The following CMYA5 variants were observed in gnomAD, a reference collection of about 807,000 sequenced individuals.
The protein encoded by CMYA5 is cardiomyopathy associated 5, also known as cardiomyopathy-associated protein 5.
CMYA5 carries 246 observed loss-of-function variants against 318.9 expected under a neutral mutation model. The observed-to-expected ratio is 0.77, with a 90% confidence interval of 0.70 to 0.86. The LOEUF is 0.86. Ranked by LOEUF, CMYA5 falls within the 40% of genes least tolerant of loss-of-function variation. The pLI is 0.00. For synonymous variants in CMYA5, 1,641 were observed against 1,729.5 expected (o/e 0.95, Z 1.27); for missense variants, 4,589 against 4,678.2 (o/e 0.98, Z 0.56).
chr5:79,734,881 A>T lies in CMYA5; in HGVS notation c.6116A>T (p.Lys2039Ile), dbSNP rs762861334. Residue 2039 changes from lysine to isoleucine, a missense_variant, in exon 2 of 13, where the codon AAA (lysine) becomes ATA (isoleucine). Coordinates refer to ENST00000446378, the MANE Select transcript of CMYA5 (RefSeq NM_153610.5). ...CCTTCCAAAGAAGATAGCCAGGAAA[A>T]AATTAAACTACCTCCTGAAAGATTC... is the stretch of plus-strand genomic sequence containing the variant. ...SWPSKEDSQE[K>I]IKLPPERFFQ... 6.2e-7 allele frequency: 1 copy of T among 1,613,808 alleles called. No individual in the cohort carries two copies. Among genetic ancestry groups the T allele is most frequent in the South Asian group, 1.1e-5 (1 of 91,066 alleles).
At position 79,731,156 on chromosome 5, in the gene CMYA5, G is replaced by A. The variant is rs748030382; in HGVS notation, c.2391G>A (p.Leu797=). 6.2e-7 allele frequency: 1 copy of A among 1,613,858 alleles called. No homozygotes were observed. The highest frequency in any genetic ancestry group is 1.3e-5 in the African/African-American group (1 of 74,912). ...AACGTTTCACACCGGATTCAAAGTTGATCTCCAAATATGCAGCCCCACTCA... is the reference window on the plus strand; with the variant it reads ...AACGTTTCACACCGGATTCAAAGTTAATCTCCAAATATGCAGCCCCACTCA... ...GSERFTPDSK[L]ISKYAAPLNA... is the part of the protein sequence containing the mutation. The change falls in exon 2 of 13, where the codon TTG becomes TTA. Residue 797 remains leucine, a synonymous_variant. Coordinates refer to ENST00000446378, the MANE Select transcript of CMYA5 (RefSeq NM_153610.5).
intron 9 of CMYA5, among the ~76,000 whole-genome samples, chr5:79,784,995 A>T (rs1470496478): frequency 6.6e-6 from 1 of 151,140 alleles, no homozygotes; most frequent in East Asian, 2.0e-4. Context: ...ATCTCAGTAG[A>T]TTGTGTGAAG....
chr5:79,729,754 C>T lies in CMYA5; in HGVS notation c.989C>T (p.Ser330Phe). Reference sequence around the variant, plus strand: ...GATCAAAAGAAAATTTATGCTGATTCTCCCCTAAATGCCACATCTGCATTG... The same window carrying T: ...GATCAAAAGAAAATTTATGCTGATTTTCCCCTAAATGCCACATCTGCATTG... ...HEDQKKIYADSPLNATSALEH... is the reference protein window; with the variant it reads ...HEDQKKIYADFPLNATSALEH... The change falls in exon 2 of 13, where the codon TCT becomes TTT. Residue 330 changes from serine (S) to phenylalanine (F), a missense_variant. Transcript: ENST00000446378. The T allele has an allele frequency of 1.2e-6, 2 of 1,613,928 alleles. No individual in the cohort carries two copies. Among genetic ancestry groups the T allele is most frequent in the South Asian group, 1.1e-5 (1 of 91,072 alleles).
rs201183682 is a variant in CMYA5, at chr5:79,736,050, C to A, written c.7285C>A (p.Leu2429Ile). ...GSLIDFSEDRLKKEMQNPTSL... is the reference protein window; with the variant it reads ...GSLIDFSEDRIKKEMQNPTSL... The stretch of plus-strand genomic sequence containing the variant: ...TTTAATTGATTTCAGTGAAGACAGA[C>A]TCAAGAAAGAAATGCAAAATCCTAC... The change falls in exon 2 of 13, where the codon CTC (leucine) becomes ATC (isoleucine). Residue 2429 changes from leucine to isoleucine, a missense_variant. Coordinates refer to ENST00000446378, the MANE Select transcript of CMYA5 (RefSeq NM_153610.5). 1.4e-5 allele frequency: 22 copies of A among 1,612,254 alleles called. No individual in the cohort carries two copies. The highest frequency in any genetic ancestry group is 1.8e-5 in the Non-Finnish European group (21 of 1,179,438).
intron 9 of CMYA5, among the ~76,000 whole-genome samples, chr5:79,777,191 A>G (rs887170157): frequency 6.6e-6 from 1 of 152,202 alleles, no homozygotes; most frequent in Non-Finnish European, 1.5e-5. Context: ...AAATTTGGAT[A>G]GAGAATATGT....
chr5:79,733,036 C>T lies in CMYA5; in HGVS notation c.4271C>T (p.Ala1424Val), dbSNP rs1827955728. The stretch of plus-strand genomic sequence containing the variant: ...GAAGACAAGGTGGCAATTAAAGGTG[C>T]TTCTCCCATTGAAACTTCATCCAAA... The part of the protein sequence containing the change: ...AEEDKVAIKG[A>V]SPIETSSKHL... The change falls in exon 2 of 13, where the codon GCT (alanine) becomes GTT (valine). Residue 1424 changes from alanine (A) to valine (V), a missense_variant. Ala to Val is a moderately conservative substitution (Grantham distance 64). Around this residue, in one of 3 missense-constraint regions of CMYA5, gnomAD observed 2,132 missense variants for 2,131.3 expected, o/e 1.00. Coordinates refer to ENST00000446378, the MANE Select transcript of CMYA5 (RefSeq NM_153610.5). 1.2e-6 allele frequency: 2 copies of T among 1,613,404 alleles called. No individual in the cohort carries two copies. Among genetic ancestry groups the T allele is most frequent in the African/African-American group, 1.3e-5 (1 of 75,062 alleles).
chr5:79,773,624 T>C (rs1397756033), intron 9 of CMYA5, among the ~76,000 whole-genome samples: 1 of 152,248 alleles, frequency 6.6e-6, no homozygotes, highest in East Asian at 1.9e-4. Flanking sequence ...TAACTGAGCC[T>C]GGACCATAAA....
chr5:79,742,373 G>C (rs976787006), intron 2 of CMYA5, among the ~76,000 whole-genome samples: 1 of 151,980 alleles, frequency 6.6e-6, no homozygotes, highest in Non-Finnish European at 1.5e-5. Context: ...TTTTAGTGGA[G>C]ACAAGATGTC....
chr5:79,768,981 C>G (rs1828806206), intron 9 of CMYA5, among the ~76,000 whole-genome samples: 1 of 152,048 alleles, frequency 6.6e-6, no homozygotes. Context: ...TTCTTGGAGG[C>G]TTTGTTTGTT....
In CMYA5 at chr5:79,732,927, T is replaced by G; in HGVS notation, c.4162T>G (p.Leu1388Val). ...TATCACTCCTGTAGATCGTCCAGTC[T>G]TAACAAAAGTAGGAAAGGGTGAATT... ...SLITPVDRPV[L>V]TKVGKGELGS... The change falls in exon 2 of 13, where the codon TTA (leucine) becomes GTA (valine). Residue 1388 changes from leucine (L) to valine (V), a missense_variant. Leu to Val is a conservative substitution (Grantham distance 32). Around this residue, in one of 3 missense-constraint regions of CMYA5, gnomAD observed 2,132 missense variants for 2,131.3 expected, o/e 1.00. Coordinates refer to ENST00000446378, the MANE Select transcript of CMYA5 (RefSeq NM_153610.5). The G allele has an allele frequency of 3.1e-6, 5 of 1,613,734 alleles. No homozygotes were observed. The highest frequency in any genetic ancestry group is 4.2e-6 in the Non-Finnish European group (5 of 1,179,796).
intron 1 of CMYA5, among the ~76,000 whole-genome samples, chr5:79,721,794 T>G (rs963237201): frequency 6.6e-6 from 1 of 152,200 alleles, no homozygotes; most frequent in Non-Finnish European, 1.5e-5. Context: ...CTATTCTAAA[T>G]CTATTACCTA....
At chr5:79,741,810 T>C (rs367755781) in intron 2 of CMYA5, among the ~76,000 whole-genome samples, 1 of 152,218 alleles carries the variant, frequency 6.6e-6, no homozygotes, top group Non-Finnish European at 1.5e-5. Flanking sequence ...TTAAAACAAA[T>C]TTTATAAGTA....
chr5:79,753,014 G>A (rs779163447), intron 6 of CMYA5, among the ~76,000 whole-genome samples: 77 of 151,944 alleles, frequency 5.1e-4, no homozygotes, highest in Non-Finnish European at 5.6e-4. Flanking sequence ...GACTTGCTTG[G>A]AGATTGAGGA....
Position 79,734,665 on chromosome 5 carries a change from C to A in CMYA5, c.5900C>A (p.Thr1967Asn). 1 of 1,613,828 alleles carries A rather than the reference C, an allele frequency of 6.2e-7. No homozygotes were observed. The highest frequency in any genetic ancestry group is 8.5e-7 in the Non-Finnish European group (1 of 1,179,768). ...SSQEAVSALD[T>N]SSGNTETLSS... is the part of the protein sequence containing the mutation. The stretch of plus-strand genomic sequence containing the variant: ...CAAGAAGCAGTATCTGCTCTTGATA[C>A]TTCCAGTGGTAATACAGAGACCTTA... The change falls in exon 2 of 13, where the codon ACT (threonine) becomes AAT (asparagine). Residue 1967 changes from threonine to asparagine, a missense_variant. By Grantham distance (65) the Thr-to-Asn change is moderately conservative. This residue lies in a region of CMYA5 where 2,431 missense variants were observed against 2,495.1 expected (regional missense o/e 0.97). Coordinates refer to ENST00000446378, the MANE Select transcript of CMYA5 (RefSeq NM_153610.5).
At chr5:79,744,116 A>G (rs975985239) in intron 3 of CMYA5, among the ~76,000 whole-genome samples, 194 bp downstream of exon 3, 3 of 152,222 alleles carry the variant, frequency 2.0e-5, no homozygotes, top group Non-Finnish European at 4.4e-5. Flanking sequence ...CTTTCTGCCT[A>G]TGGATAAAAG....
chr5:79,741,687 C>T (rs1298223607), intron 2 of CMYA5, among the ~76,000 whole-genome samples: 1 of 152,122 alleles, frequency 6.6e-6, no homozygotes, highest in African/African-American at 2.4e-5. Flanking sequence ...TAACTCACAA[C>T]TACTGAGCAC....
chr5:79,738,417 A>G lies in CMYA5; in HGVS notation c.9652A>G (p.Asn3218Asp), dbSNP rs773962243. The G allele has an allele frequency of 1.9e-5, 30 of 1,613,792 alleles. 1 individual carries two copies. In the South Asian group the frequency reaches 3.1e-4, roughly 17 times the overall value. ...GACAGCTTCTGAAGGTGACAGTGTG[A>G]ATTCTGAGGCATCATTTCCCAGCAG... ...EETASEGDSV[N>D]SEASFPSRNS... Residue 3218 changes from asparagine (N) to aspartate (D), a missense_variant, in exon 2 of 13, where the codon AAT (asparagine) becomes GAT (aspartate). Asn to Asp is a conservative substitution (Grantham distance 23). Transcript: ENST00000446378.
intron 1 of CMYA5, among the ~76,000 whole-genome samples, chr5:79,692,778 G>A (rs1316735295): frequency 1.3e-5 from 2 of 152,176 alleles, no homozygotes; most frequent in African/African-American, 4.8e-5. Flanking sequence ...TAGCAGGAAG[G>A]CTCTACCTTC....
intron 1 of CMYA5, among the ~76,000 whole-genome samples, chr5:79,714,309 C>A (rs1484897833): frequency 6.6e-6 from 1 of 152,112 alleles, no homozygotes; most frequent in Non-Finnish European, 1.5e-5. Flanking sequence ...ATCAGTCTGT[C>A]ATACTCTGTG....
Sources: allele counts gnomAD v4.1 joint callset (sites outside exome capture counted in the v4.1 genomes callset), GRCh38; gene constraint gnomAD v4.1.1; regional missense constraint gnomAD v4.1.1; transcripts MANE v1.5; gene names NCBI Gene and HGNC (gene_info 2026-07-23, HGNC 2026-07-21).